The following CSMD1 variants were observed in gnomAD, a reference collection of about 807,000 sequenced individuals.
The protein encoded by CSMD1 is CUB and Sushi multiple domains 1, also known as CUB and sushi domain-containing protein 1.
CSMD1 carries 213 observed loss-of-function variants against 417.5 expected under a neutral mutation model. The ratio of observed to expected loss-of-function variants is 0.51; its 90% confidence interval spans 0.46 to 0.57. The LOEUF is 0.57. Ranked by LOEUF, CSMD1 falls within the 20% of genes least tolerant of loss-of-function variation. The pLI is 0.00. For missense variants in CSMD1, 6,923 were observed against 4,529.7 expected (o/e 1.53, Z -15.17); for synonymous variants, 2,862 against 1,736.8 (o/e 1.65, Z -16.11).
chr8:3,546,152 C>A (rs536033350), intron 10 of CSMD1, among the ~76,000 whole-genome samples: 119 of 151,082 alleles, frequency 7.9e-4, no homozygotes, highest in African/African-American at 2.8e-3. Context: ...AAGCAAAGGT[C>A]ATCATGTATT....
intron 1 of CSMD1, among the ~76,000 whole-genome samples, chr8:4,803,167 T>G (rs534383945): frequency 6.6e-6 from 1 of 152,304 alleles, no homozygotes; most frequent in South Asian, 2.1e-4. Flanking sequence ...ATAAGCTATT[T>G]GTTAATATTC....
chr8:3,021,720 TGCAATCCCGC>T (rs1809417967), intron 51 of CSMD1, among the ~76,000 whole-genome samples: 2 of 115,350 alleles, frequency 1.7e-5, no homozygotes, highest in East Asian at 3.4e-4. Flanking sequence ...GGAATGCACC[TGCAATCCCGC>T]AGCATCTGGA....
chr8:3,616,352 T>G (rs1048786111), intron 8 of CSMD1, among the ~76,000 whole-genome samples: 7 of 152,164 alleles, frequency 4.6e-5, no homozygotes, highest in African/African-American at 2.4e-5. Context: ...TTCTCCTTCC[T>G]GTCACCATAT....
At chr8:4,250,446 T>C (rs1256336543) in intron 3 of CSMD1, among the ~76,000 whole-genome samples, 1 of 152,138 alleles carries the variant, frequency 6.6e-6, no homozygotes, top group African/African-American at 2.4e-5. Context: ...ACATGCGTAA[T>C]ACATGAGTGA....
chr8:3,005,635 G>C (rs1347741183), intron 52 of CSMD1, among the ~76,000 whole-genome samples: 3 of 152,136 alleles, frequency 2.0e-5, no homozygotes, highest in Non-Finnish European at 2.9e-5. Flanking sequence ...ATCAATAAAT[G>C]TAATCCAGCA....
At chr8:4,184,866 G>C (rs1027126013) in intron 3 of CSMD1, among the ~76,000 whole-genome samples, 3 of 151,968 alleles carry the variant, frequency 2.0e-5, no homozygotes, top group Admixed American at 2.0e-4. Context: ...CGGAGGCCAA[G>C]GTGGGTGGAT....
intron 3 of CSMD1, among the ~76,000 whole-genome samples, chr8:4,339,350 G>A (rs1188231900): frequency 6.6e-6 from 1 of 152,062 alleles, no homozygotes; most frequent in Non-Finnish European, 1.5e-5. Flanking sequence ...AGATTCATCA[G>A]CTGGTCAAAT....
intron 2 of CSMD1, among the ~76,000 whole-genome samples, chr8:4,428,853 G>A (rs1154054): frequency 7.2e-5 from 11 of 151,950 alleles, no homozygotes; most frequent in African/African-American, 2.7e-4. Context: ...TGAGTATCTG[G>A]GATTACAGGC....
chr8:4,797,201 C>G (rs146504344), intron 1 of CSMD1, among the ~76,000 whole-genome samples: 163 of 152,298 alleles, frequency 1.1e-3, no homozygotes, highest in Middle Eastern at 3.4e-3. Flanking sequence ...GAAGCCCACA[C>G]AGTAAGGACA....
At chr8:3,465,351 G>A (rs1426993509) in intron 12 of CSMD1, among the ~76,000 whole-genome samples, 1 of 152,120 alleles carries the variant, frequency 6.6e-6, no homozygotes, top group Non-Finnish European at 1.5e-5. Context: ...TTGTCTTTGG[G>A]GAGTTAGAGA....
chr8:4,290,567 C>A (rs1207382060), intron 3 of CSMD1, among the ~76,000 whole-genome samples: 1 of 152,168 alleles, frequency 6.6e-6, no homozygotes, highest in African/African-American at 2.4e-5. Flanking sequence ...CCATTCATAG[C>A]TTTTCTGTCT....
At chr8:4,320,248 G>C (rs1348607837) in intron 3 of CSMD1, among the ~76,000 whole-genome samples, 1 of 152,004 alleles carries the variant, frequency 6.6e-6, no homozygotes, top group African/African-American at 2.4e-5. Flanking sequence ...AAAAGAAACA[G>C]GAAAATAAGA....
chr8:4,970,773 G>T (rs186964702), intron 1 of CSMD1, among the ~76,000 whole-genome samples: 190 of 152,148 alleles, frequency 1.2e-3, no homozygotes, highest in African/African-American at 4.4e-3. Context: ...CCAAACAAGG[G>T]TCTTAATTTT....
In CSMD1 at chr8:3,110,304, G is replaced by T; in HGVS notation, c.6462C>A (p.Asn2154Lys). The change falls in exon 43 of 70, where the codon AAC becomes AAA. Residue 2154 changes from asparagine (N) to lysine (K), a missense_variant. Coordinates refer to ENST00000635120, the MANE Select transcript of CSMD1 (RefSeq NM_033225.6). ...APCGYNVTSQ[N>K]GTIYSPGFPD... ...GAAAGCCAGGGGAGTAGATGGTGCC[G>T]TTCTGAGAAGTTACGTTGTACCCAC... is the stretch of plus-strand genomic sequence containing the variant. 6.2e-7 allele frequency: 1 copy of T among 1,612,350 alleles called. No individual in the cohort carries two copies.
At chr8:4,143,588 T>G (rs1397177810) in intron 3 of CSMD1, among the ~76,000 whole-genome samples, 1 of 151,064 alleles carries the variant, frequency 6.6e-6, no homozygotes, top group Non-Finnish European at 1.5e-5. Flanking sequence ...GTCAACCCCT[T>G]TAACTAGTTG....
intron 2 of CSMD1, among the ~76,000 whole-genome samples, chr8:4,530,488 T>C (rs921127620): frequency 3.3e-5 from 5 of 151,338 alleles, no homozygotes; most frequent in Non-Finnish European, 7.4e-5. Flanking sequence ...ACACTATCCC[T>C]CCCCTTTCCC....
In CSMD1 at chr8:3,874,199, A is replaced by G. The variant is rs370325915; in HGVS notation, c.819-120157T>C. Reference sequence around the variant, plus strand: ...ATTATCTAGTGTTCCACAGCCATGGAGAAGACCTTCCTAACCTTCCTGCAA... The same window carrying G: ...ATTATCTAGTGTTCCACAGCCATGGGGAAGACCTTCCTAACCTTCCTGCAA... On this transcript the variant is annotated intron_variant, in intron 5 of 69. Transcript: ENST00000635120. Among the ~76,000 whole-genome samples the G allele has an allele frequency of 7.2e-5, 11 of 152,240 alleles. 1 individual carries two copies. The highest frequency in any genetic ancestry group is 3.9e-4 in the East Asian group (2 of 5,176).
chr8:4,962,990 C>T (rs544652178), intron 1 of CSMD1, among the ~76,000 whole-genome samples: 5 of 152,182 alleles, frequency 3.3e-5, no homozygotes, highest in African/African-American at 9.6e-5. Flanking sequence ...TCTAGTGACG[C>T]TATATACGTA....
At chr8:4,231,912 T>A (rs1279571002) in intron 3 of CSMD1, among the ~76,000 whole-genome samples, 1 of 133,122 alleles carries the variant, frequency 7.5e-6, no homozygotes, top group Non-Finnish European at 1.6e-5. Flanking sequence ...TTTCTGAATC[T>A]CATACATAAA....
Sources: allele counts gnomAD v4.1 joint callset (sites outside exome capture counted in the v4.1 genomes callset), GRCh38; gene constraint gnomAD v4.1.1; transcripts MANE v1.5; gene names NCBI Gene and HGNC (gene_info 2026-07-23, HGNC 2026-07-21).